The following PTPRT variants were observed in gnomAD, a reference collection of about 807,000 sequenced individuals.
The protein encoded by PTPRT is protein tyrosine phosphatase receptor type T.
Under a neutral mutation model 176.8 loss-of-function variants are expected in PTPRT, and 56 were observed. The ratio of observed to expected loss-of-function variants is 0.32; its 90% CI spans 0.26 to 0.40. The LOEUF is 0.40. Among genes scored for constraint, PTPRT ranks in the 10% least tolerant of loss-of-function variants. PTPRT has a pLI of 1.00. For missense variants in PTPRT, 1,540 were observed against 1,908.2 expected (o/e 0.81, Z 3.60); for synonymous variants, 783 against 739.0 (o/e 1.06, Z -0.96).
intron 5 of PTPRT, among the ~76,000 whole-genome samples, chr20:42,756,998 C>T (rs993828871): frequency 6.0e-5 from 9 of 149,242 alleles, no homozygotes; most frequent in African/African-American, 2.2e-4. Flanking sequence ...TGCAGTGAGC[C>T]ATGATCAAGC....
At chr20:43,044,664 T>C (rs909065228) in intron 1 of PTPRT, among the ~76,000 whole-genome samples, 1 of 152,178 alleles carries the variant, frequency 6.6e-6, no homozygotes, top group South Asian at 2.1e-4. Flanking sequence ...GGGACACTGA[T>C]AGCACCTACC....
At chr20:42,904,825 C>G (rs3973898) in intron 1 of PTPRT, among the ~76,000 whole-genome samples, 1 of 152,034 alleles carries the variant, frequency 6.6e-6, no homozygotes, top group Non-Finnish European at 1.5e-5. Context: ...GAAAGGATCC[C>G]CTATTTAATA....
intron 2 of PTPRT, among the ~76,000 whole-genome samples, chr20:42,798,008 G>A (rs539012212): frequency 6.6e-6 from 1 of 152,312 alleles, no homozygotes; most frequent in South Asian, 2.1e-4. Flanking sequence ...AATGTGTGGG[G>A]TTTCGGCCAC....
At chr20:42,275,356 C>T (rs1196396912) in intron 13 of PTPRT, among the ~76,000 whole-genome samples, 4 of 152,194 alleles carry the variant, frequency 2.6e-5, no homozygotes. Flanking sequence ...CCCCCCTTTT[C>T]CTTTAGAAGA....
At chr20:42,400,772 TG>T (rs1418134671) in intron 9 of PTPRT, among the ~76,000 whole-genome samples, 3 of 152,262 alleles carry the variant, frequency 2.0e-5, no homozygotes, top group South Asian at 2.1e-4. Context: ...AATGGAGTTA[TG>T]GAGGGAATTA....
intron 6 of PTPRT, among the ~76,000 whole-genome samples, chr20:42,690,158 G>A (rs2075768838): frequency 1.3e-5 from 2 of 152,074 alleles, no homozygotes; most frequent in Non-Finnish European, 2.9e-5. Context: ...TGAAACACAG[G>A]TGATGGGGAG....
chr20:42,926,831 C>T lies in PTPRT; in HGVS notation c.89-40899G>A, dbSNP rs543187516. Among the ~76,000 whole-genome samples, 16 of 152,286 alleles carry T rather than the reference C, an allele frequency of 1.1e-4. No homozygotes were observed. The East Asian group carries it at 3.1e-3, about 29-fold the overall frequency. On this transcript the variant is annotated intron_variant, in intron 1 of 30. Coordinates refer to ENST00000373187, the MANE Select transcript of PTPRT (RefSeq NM_007050.6). ...CTCAGCAAGGGGGCAGCCAGGCTTA[C>T]AATGCATCCCCAAGAAAGGACGGCA...
At chr20:42,291,225 T>C (rs574578406) in intron 12 of PTPRT, among the ~76,000 whole-genome samples, 2 of 152,260 alleles carry the variant, frequency 1.3e-5, no homozygotes, top group South Asian at 4.1e-4. Context: ...TTTGGTCAAC[T>C]GCTCAACAGA....
Position 42,315,882 on chromosome 20 carries a change from A to G in PTPRT, c.1980T>C (p.Ser660=). 6.2e-7 allele frequency: 1 copy of G among 1,614,176 alleles called. No homozygotes were observed. The highest frequency in any genetic ancestry group is 2.2e-5 in the East Asian group (1 of 44,878). Residue 660 remains serine (S), a synonymous_variant, in exon 12 of 31, where the codon TCT becomes TCC. Transcript: ENST00000373187. ...TCAACTCAGCAGCAAAGTAGTGTAGAGAATCGAGGCTGGAGGCATTCCGAT... is the reference window on the plus strand; with the variant it reads ...TCAACTCAGCAGCAAAGTAGTGTAGGGAATCGAGGCTGGAGGCATTCCGAT... ...VSYRNASSLD[S]LHYFAAELKP...
intron 1 of PTPRT, among the ~76,000 whole-genome samples, chr20:43,082,698 C>T (rs1013036891): frequency 6.6e-6 from 1 of 152,112 alleles, no homozygotes; most frequent in Non-Finnish European, 1.5e-5. Context: ...AAAACCAGCC[C>T]AATTGTGCCA....
In PTPRT at chr20:43,094,328, C is replaced by T. The variant is rs1415433487; in HGVS notation, c.88+95318G>A. On this transcript the variant is annotated intron_variant, in intron 1 of 30. Coordinates refer to ENST00000373187, the MANE Select transcript of PTPRT (RefSeq NM_007050.6). ...GTCTCCATCTCTTGACCTCGTGATC[C>T]ACCCATCTCAGCCTCCCGAAGTGCT... 2.8e-4 allele frequency among the ~76,000 whole-genome samples: 43 copies of T among 151,182 alleles called. 1 individual carries two copies. Among genetic ancestry groups the T allele is most frequent in the Admixed American group, 2.6e-3 (40 of 15,182 alleles).
intron 2 of PTPRT, among the ~76,000 whole-genome samples, chr20:42,817,361 T>C (rs1427545671): frequency 8.8e-6 from 1 of 113,800 alleles, no homozygotes; most frequent in Non-Finnish European, 1.9e-5. Flanking sequence ...TAATCATGTT[T>C]GGTTTTTTTT....
chr20:42,050,506 C>T, the PTPRT span, among the ~76,000 whole-genome samples: 1 of 152,058 alleles, frequency 6.6e-6, no homozygotes, highest in Non-Finnish European at 1.5e-5. Flanking sequence ...AGTACTGAGC[C>T]CCTGCATGCT....
chr20:42,997,383 A>G (rs767648454), intron 1 of PTPRT, among the ~76,000 whole-genome samples: 3 of 152,134 alleles, frequency 2.0e-5, no homozygotes, highest in Non-Finnish European at 2.9e-5. Context: ...CTTTTAAAAC[A>G]CAGCCTCCAT....
At chr20:42,805,725 G>A (rs1217396653) in intron 2 of PTPRT, among the ~76,000 whole-genome samples, 4 of 152,124 alleles carry the variant, frequency 2.6e-5, no homozygotes, top group Non-Finnish European at 4.4e-5. Context: ...CCTTTGCAAC[G>A]ATTATTTCCC....
intron 9 of PTPRT, among the ~76,000 whole-genome samples, chr20:42,426,093 A>T (rs2059161164): frequency 6.6e-6 from 1 of 152,234 alleles, no homozygotes; most frequent in South Asian, 2.1e-4. Context: ...GAGTCAGGGA[A>T]ATACTGGGTA....
chr20:42,099,851 C>G (rs969526156), intron 26 of PTPRT, among the ~76,000 whole-genome samples: 1 of 152,040 alleles, frequency 6.6e-6, no homozygotes, highest in Non-Finnish European at 1.5e-5. Context: ...CTTTTCCTGG[C>G]CAGTAGAATG....
chr20:42,781,027 T>C (rs2077207394), intron 3 of PTPRT, among the ~76,000 whole-genome samples: 1 of 152,134 alleles, frequency 6.6e-6, no homozygotes, highest in South Asian at 2.1e-4. Context: ...ACCTCATTTT[T>C]CACCTTCTGG....
intron 15 of PTPRT, among the ~76,000 whole-genome samples, chr20:42,203,920 C>T (rs764404779): frequency 2.6e-5 from 4 of 152,190 alleles, no homozygotes; most frequent in African/African-American, 4.8e-5. Flanking sequence ...TCACCTACTA[C>T]GACAAGAACT....
Sources: allele counts gnomAD v4.1 joint callset (sites outside exome capture counted in the v4.1 genomes callset), GRCh38; gene constraint gnomAD v4.1.1; transcripts MANE v1.5; gene names NCBI Gene and HGNC (gene_info 2026-07-23, HGNC 2026-07-21).